Variants in DPF3 observed in about 807,000 individuals in gnomAD.
DPF3 encodes zinc finger protein DPF3.
A neutral mutation model predicts 56.8 loss-of-function variants in DPF3; 18 were observed. The ratio of observed to expected loss-of-function variants is 0.32; its 90% confidence interval spans 0.22 to 0.47. The LOEUF (loss-of-function observed/expected upper bound fraction) is 0.47, where lower values mean the gene tolerates loss of function less well. DPF3 is among the 20% of genes least tolerant of loss of function. DPF3 has a pLI of 1.00. For synonymous variants in DPF3, 188 were observed against 180.2 expected, an observed-to-expected ratio of 1.04 and a Z score of -0.35; for missense variants, 403 against 488.8, an observed-to-expected ratio of 0.82 and a Z score of 1.65.
intron 9 of DPF3, among the ~76,000 whole-genome samples, chr14:72,621,653 G>GGA (rs1884455904): frequency 1.3e-5 from 2 of 152,198 alleles, no homozygotes; most frequent in South Asian, 2.1e-4. Context: ...ACCCAGTGGG[G>GGA]GAGAGGTTCA....
chr14:72,693,382 C>A (rs968753259), intron 6 of DPF3, among the ~76,000 whole-genome samples, 169 bp from the exon 7 acceptor site: 43 of 152,152 alleles, frequency 2.8e-4, no homozygotes, highest in African/African-American at 9.9e-4. Flanking sequence ...AGAACCAACA[C>A]CCTTGTAACA....
chr14:72,714,476 C>T lies in DPF3; in HGVS notation c.551G>A (p.Arg184Lys), dbSNP rs376644421. 6 of 1,613,730 alleles carry T rather than the reference C, an allele frequency of 3.7e-6. No homozygotes were observed. In the African/African-American group the frequency reaches 5.3e-5, roughly 14 times the overall value. The stretch of plus-strand genomic sequence containing the variant: ...TTCCTGAGAGGCGGCGTCGTGCCTC[C>T]TCCTGCCCCCTGCAGAGCCGCGAGC... ...GRARGSAGGR[R>K]RHDAASQEDH... The change falls in exon 6 of 11, where the codon AGG becomes AAG. Residue 184 changes from arginine to lysine, a missense_variant. Arg to Lys is a conservative substitution (Grantham distance 26). Transcript: ENST00000556509.
chr14:72,892,839 G>A (rs760948669), intron 1 of DPF3, among the ~76,000 whole-genome samples: 6 of 152,104 alleles, frequency 3.9e-5, no homozygotes, highest in Non-Finnish European at 7.4e-5. Flanking sequence ...ACCCTCTGCC[G>A]ACATCACCCA....
At chr14:72,726,871 A>G (rs1025134929) in intron 4 of DPF3, among the ~76,000 whole-genome samples, 5 of 152,098 alleles carry the variant, frequency 3.3e-5, no homozygotes, top group African/African-American at 1.2e-4. Flanking sequence ...CTTTTTAAAG[A>G]CTACATTATC....
In DPF3 at chr14:72,660,966, T is replaced by A. The variant is rs140528021; in HGVS notation, c.871+13274A>T. Reference sequence around the variant, plus strand: ...GAAGTGGGAAGAATCATCTCAGGAGTCCCTGCCGCATGACGGCGTGAAAGT... The same window carrying A: ...GAAGTGGGAAGAATCATCTCAGGAGACCCTGCCGCATGACGGCGTGAAAGT... On this transcript the variant is annotated intron_variant, in intron 8 of 10. Transcript: ENST00000556509. 110 of 696,892 alleles carry A rather than the reference T, an allele frequency of 1.6e-4. No homozygotes were observed. In the African/African-American group the frequency reaches 2.1e-3, roughly 13 times the overall value. 43.2% of individuals were successfully genotyped at this position (696,892 alleles called of 1,614,324 possible).
At chr14:72,746,256 C>T (rs78421380) in intron 3 of DPF3, among the ~76,000 whole-genome samples, 4 of 152,220 alleles carry the variant, frequency 2.6e-5, no homozygotes, top group East Asian at 1.9e-4. Flanking sequence ...TCTTTGGCTG[C>T]GCTGTTTCTC....
intron 1 of DPF3, among the ~76,000 whole-genome samples, chr14:72,885,369 GGTTTGTTTGTTTGTTTGTTT>G (rs36017937): frequency 3.6e-4 from 54 of 149,218 alleles, no homozygotes; most frequent in African/African-American, 1.3e-3. Context: ...TAATTTTTTG[GGTTTGTTTGTTTGTTTGTTT>G]GTTTGTTTGT....
chr14:72,630,631 G>A (rs1271572705), intron 8 of DPF3, among the ~76,000 whole-genome samples: 2 of 152,096 alleles, frequency 1.3e-5, no homozygotes, highest in Non-Finnish European at 2.9e-5. Flanking sequence ...AAAGACCCTT[G>A]GCCTTCTATG....
intron 6 of DPF3, among the ~76,000 whole-genome samples, chr14:72,706,695 C>A (rs764254021): frequency 1.3e-5 from 2 of 152,164 alleles, no homozygotes; most frequent in East Asian, 3.9e-4. Context: ...TTCCTATACT[C>A]CCCACCATGA....
At chr14:72,840,974 C>A (rs1293985721) in intron 1 of DPF3, among the ~76,000 whole-genome samples, 1 of 152,254 alleles carries the variant, frequency 6.6e-6, no homozygotes, top group African/African-American at 2.4e-5. Flanking sequence ...GGCTTCCAAA[C>A]TCTAGCTCCT....
chr14:72,661,646 T>C (rs2286068), intron 8 of DPF3: 421,811 of 985,044 alleles, frequency 0.43, 92,379 homozygotes, highest in East Asian at 0.8. Context: ...GAAAGGGCCA[T>C]GTTAGAACAC....
intron 6 of DPF3, among the ~76,000 whole-genome samples, chr14:72,700,476 G>A (rs188921949): frequency 6.6e-6 from 1 of 152,354 alleles, no homozygotes; most frequent in African/African-American, 2.4e-5. Flanking sequence ...TAGCTGACCT[G>A]ATAGTCTGAG....
At chr14:72,674,208 G>A (rs772768890) in intron 8 of DPF3, 32 bp downstream of exon 8, 31 of 1,601,734 alleles carry the variant, frequency 1.9e-5, no homozygotes, top group East Asian at 1.6e-4. Flanking sequence ...CCTGGTCTAC[G>A]GGCACCCGGT....
chr14:72,756,859 A>AGGAAGGAAG (rs1567222901), intron 2 of DPF3, among the ~76,000 whole-genome samples: 73 of 116,564 alleles, frequency 6.3e-4, no homozygotes, highest in African/African-American at 2.4e-3. Flanking sequence ...AAAGAAAGAA[A>AGGAAGGAAG]GAAAGAAAGA....
intron 3 of DPF3, among the ~76,000 whole-genome samples, chr14:72,737,397 A>G (rs1358124628): frequency 2.6e-5 from 4 of 152,124 alleles, no homozygotes; most frequent in African/African-American, 9.7e-5. Flanking sequence ...GGAGCCACCG[A>G]GCTCATTAAC....
intron 1 of DPF3, among the ~76,000 whole-genome samples, chr14:72,873,761 A>T (rs1885996500): frequency 6.6e-6 from 1 of 152,184 alleles, no homozygotes; most frequent in Non-Finnish European, 1.5e-5. Flanking sequence ...TGATGAGTTC[A>T]TGTCCCTTGT....
intron 9 of DPF3, among the ~76,000 whole-genome samples, chr14:72,624,446 C>G (rs1884690212): frequency 6.8e-6 from 1 of 146,712 alleles, no homozygotes; most frequent in African/African-American, 2.5e-5. Context: ...TCAAGCAATT[C>G]TCCTGCCTCA....
chr14:72,674,219 G>T, intron 8 of DPF3, 21 bp downstream of exon 8: 1 of 1,607,746 alleles, frequency 6.2e-7, no homozygotes, highest in Non-Finnish European at 8.5e-7. Context: ...GGCACCCGGT[G>T]TGGGAAGGGG....
intron 8 of DPF3, among the ~76,000 whole-genome samples, chr14:72,647,695 T>C (rs1024070714): frequency 6.6e-6 from 1 of 152,210 alleles, no homozygotes; most frequent in Non-Finnish European, 1.5e-5. Context: ...CTAATTAGAT[T>C]GCACCTATTA....
Sources: allele counts gnomAD v4.1 joint callset (sites outside exome capture counted in the v4.1 genomes callset), GRCh38; gene constraint gnomAD v4.1.1; transcripts MANE v1.5; gene names NCBI Gene and HGNC (gene_info 2026-07-23, HGNC 2026-07-21).